The following SLC12A7 variants were observed in gnomAD, a reference collection of about 807,000 sequenced individuals.
The protein encoded by SLC12A7 is solute carrier family 12 member 7.
SLC12A7 carries 100 observed loss-of-function variants against 120.6 expected under a neutral mutation model. That is an observed-to-expected ratio of 0.83 (90% CI 0.71 to 0.98). The LOEUF (loss-of-function observed/expected upper bound fraction) is 0.98. SLC12A7 is among the 50% of genes least tolerant of loss of function. SLC12A7 has a pLI of 0.00. For synonymous variants in SLC12A7, 760 were observed against 678.0 expected (o/e 1.12, Z -1.88); for missense variants, 1,373 against 1,548.1 (o/e 0.89, Z 1.90).
chr5:1,087,170 A>G lies in SLC12A7; in HGVS notation c.545-137T>C, dbSNP rs577226763. The G allele has an allele frequency of 3.7e-5, 44 of 1,183,028 alleles. 1 individual carries two copies. In the South Asian group the frequency reaches 6.9e-4, roughly 19 times the overall value. The allele number at this position is 1,183,028 out of a possible 1,614,324, so 73.3% of individuals were successfully genotyped here. A position where few individuals can be genotyped will look rare whatever the true frequency, so the allele number is the denominator to read the frequency against. ...GCGTGTAGACCCTCGTCCACCCGCA[A>G]AGCAGCACATGGAGACGCTTCCACG... On this transcript the variant is annotated intron_variant, in intron 5 of 23. Coordinates refer to ENST00000264930, the MANE Select transcript of SLC12A7 (RefSeq NM_006598.3).
At chr5:1,099,609 G>A (rs556859294) in intron 1 of SLC12A7, among the ~76,000 whole-genome samples, 7 of 152,104 alleles carry the variant, frequency 4.6e-5, no homozygotes, top group Non-Finnish European at 8.8e-5. Context: ...CCCTCCTCCC[G>A]AAGACGAACC....
chr5:1,074,613 C>T lies in SLC12A7; in HGVS notation c.2026G>A (p.Ala676Thr). Residue 676 changes from alanine to threonine, a missense_variant, in exon 16 of 24, where the codon GCC (alanine) becomes ACC (threonine). Transcript: ENST00000264930. ...GGACCGTGCTCCACGCGCAGCAGGG[C>T]GTAGCGGGCGGCGTTCAGGGATAGG... ...RGLSLNAARY[A>T]LLRVEHGPPH... is the part of the protein sequence containing the mutation. 6.2e-7 allele frequency: 1 copy of T among 1,612,816 alleles called. No individual in the cohort carries two copies. The highest frequency in any genetic ancestry group is 8.5e-7 in the Non-Finnish European group (1 of 1,179,918).
chr5:1,099,882 G>T (rs1458422345), intron 1 of SLC12A7, among the ~76,000 whole-genome samples: 1 of 152,244 alleles, frequency 6.6e-6, no homozygotes, highest in African/African-American at 2.4e-5. Flanking sequence ...GGGTGTACGG[G>T]GCAGGAGTGC....
At chr5:1,154,548 C>G in the SLC12A7 span, among the ~76,000 whole-genome samples, 70 of 152,270 alleles carry the variant, frequency 4.6e-4, no homozygotes, top group Admixed American at 1.1e-3. Flanking sequence ...CACACACGGA[C>G]ACACACAGGC....
At chr5:1,137,848 C>T in the SLC12A7 span, among the ~76,000 whole-genome samples, 1 of 152,220 alleles carries the variant, frequency 6.6e-6, no homozygotes, top group Non-Finnish European at 1.5e-5. Context: ...ACCAGCTCCC[C>T]GGGGCCTGGC....
Position 1,078,009 on chromosome 5 carries a change from T to TGCAGGCAGGCAG in SLC12A7, c.1455-3_1455-2insCTGCCTGCCTGC. On this transcript the variant is annotated splice_polypyrimidine_tract_variant and splice_region_variant and intron_variant, in intron 11 of 23. Coordinates refer to ENST00000264930, the MANE Select transcript of SLC12A7 (RefSeq NM_006598.3). ...TTCCCCTGCAGGGCCTCCCCGAACC[T>TGCAGGCAGGCAG]GCAGGCAGGCGGGCAGGCGGGCGGG... 10 of 1,557,608 alleles carry TGCAGGCAGGCAG rather than the reference T, an allele frequency of 6.4e-6. No individual in the cohort carries two copies. Among genetic ancestry groups the TGCAGGCAGGCAG allele is most frequent in the Non-Finnish European group, 8.7e-6 (10 of 1,152,648 alleles).
chr5:1,097,866 T>C (rs147850087), intron 1 of SLC12A7, among the ~76,000 whole-genome samples: 1 of 152,112 alleles, frequency 6.6e-6, no homozygotes, highest in East Asian at 1.9e-4. Flanking sequence ...TTGAGAAGAG[T>C]GTCGCTTGGT....
chr5:1,117,417 T>C, the SLC12A7 span, among the ~76,000 whole-genome samples: 79 of 152,310 alleles, frequency 5.2e-4, no homozygotes, highest in Admixed American at 3.1e-3. This position sits in a 1 kb window ranked among gnomAD's most constrained non-coding sequence, Gnocchi z 4.5. Context: ...AGGAACTTAG[T>C]TTATAGTTAA....
At chr5:1,133,118 G>A in the SLC12A7 span, among the ~76,000 whole-genome samples, 1 of 152,166 alleles carries the variant, frequency 6.6e-6, no homozygotes, top group African/African-American at 2.4e-5. Context: ...GTTTCACCAT[G>A]TTGGCCAGGC....
Position 1,060,447 on chromosome 5 carries a change from T to C in SLC12A7, c.2744A>G (p.Glu915Gly). ...SAEVEVVEMV[E>G]NDISAFTYER... ...GTAGGTGAAAGCAGATATGTCGTTT[T>C]CAACCTAGAAAGTTCCCAAGCACGT... is the stretch of plus-strand genomic sequence containing the variant. The change falls in exon 21 of 24, where the codon GAA (glutamate) becomes GGA (glycine). Residue 915 changes from glutamate to glycine, a missense_variant. Transcript: ENST00000264930. 1 of 1,612,812 alleles carries C rather than the reference T, an allele frequency of 6.2e-7. No individual in the cohort carries two copies. Among genetic ancestry groups the C allele is most frequent in the Non-Finnish European group, 8.5e-7 (1 of 1,179,194 alleles).
intron 17 of SLC12A7, among the ~76,000 whole-genome samples, chr5:1,066,797 G>A (rs1579337737): frequency 6.6e-6 from 1 of 152,172 alleles, no homozygotes; most frequent in African/African-American, 2.4e-5. Flanking sequence ...GAGGAGGCAG[G>A]AGGATCCTCC....
chr5:1,139,038 C>A, the SLC12A7 span, among the ~76,000 whole-genome samples: 502 of 149,530 alleles, frequency 3.4e-3, 2 homozygotes, highest in African/African-American at 0.012. Flanking sequence ...GAAACAGCTG[C>A]AGGGGTCGCC....
chr5:1,078,338 T>C (rs1738603490), intron 11 of SLC12A7, among the ~76,000 whole-genome samples: 2 of 152,010 alleles, frequency 1.3e-5, no homozygotes, highest in Non-Finnish European at 2.9e-5. Context: ...GCACACCCCA[T>C]GAGGATGCAG....
At chr5:1,077,713 C>T (rs963282341) in intron 12 of SLC12A7, 120 bp downstream of exon 12, 58 of 1,099,560 alleles carry the variant, frequency 5.3e-5, no homozygotes, top group Non-Finnish European at 1.4e-5. Context: ...GCAGAATGAC[C>T]ACCATGGGGT....
intron 10 of SLC12A7, 107 bp from the exon 11 acceptor site, chr5:1,078,865 G>A: frequency 1.4e-6 from 1 of 734,962 alleles, no homozygotes; most frequent in Non-Finnish European, 2.4e-6. Flanking sequence ...TGGCCAGCGG[G>A]CCGCAGGATC....
rs192381764 is a variant in SLC12A7 at position 1,091,094 on chromosome 5, G to C, written c.343-1966C>G. Among the ~76,000 whole-genome samples, 646 of 152,332 alleles carry C rather than the reference G, an allele frequency of 4.2e-3. 4 individuals are homozygous for C. Among genetic ancestry groups the C allele is most frequent in the African/African-American group, 0.014 (595 of 41,576 alleles). ...GGGTCACGGGCCCTGGTCCCTCCAC[G>C]ACTGAAACGCAGGCAGCATCAGCCT... On this transcript the variant is annotated intron_variant, in intron 3 of 23. Coordinates refer to ENST00000264930, the MANE Select transcript of SLC12A7 (RefSeq NM_006598.3).
chr5:1,089,571 T>TA (rs35078056), intron 3 of SLC12A7, among the ~76,000 whole-genome samples: 2,173 of 112,352 alleles, frequency 0.019, 40 homozygotes, highest in African/African-American at 0.058. Context: ...CCCATAAAGC[T>TA]AAAAAAAAAA....
chr5:1,130,061 C>T, the SLC12A7 span, among the ~76,000 whole-genome samples: 52,049 of 152,022 alleles, frequency 0.34, 9,081 homozygotes, highest in South Asian at 0.39. Flanking sequence ...ATCTCCTCCA[C>T]GACTTTACTT....
At chr5:1,059,414 C>G (rs958932655) in intron 21 of SLC12A7, among the ~76,000 whole-genome samples, 8 of 152,232 alleles carry the variant, frequency 5.3e-5, no homozygotes, top group African/African-American at 1.9e-4. Flanking sequence ...AAATCCCCTG[C>G]CCCTGCCTCC....
Sources: allele counts gnomAD v4.1 joint callset (sites outside exome capture counted in the v4.1 genomes callset), GRCh38; gene constraint gnomAD v4.1.1; non-coding constraint Gnocchi (gnomAD v3.1); transcripts MANE v1.5; gene names NCBI Gene and HGNC (gene_info 2026-07-23, HGNC 2026-07-21).